NCK2: variants seen among roughly 807,000 people sequenced by gnomAD.
NCK2 encodes the protein NCK adaptor protein 2.
In NCK2, 16 loss-of-function variants were observed where a neutral mutation model predicts 33.9. The ratio of observed to expected loss-of-function variants is 0.47; its 90% CI spans 0.32 to 0.72. NCK2 has a LOEUF of 0.72. Among genes scored for constraint, NCK2 ranks in the 30% least tolerant of loss-of-function variants. The pLI is 0.03. For synonymous variants in NCK2, 273 were observed against 239.9 expected (o/e 1.14, Z -1.27); for missense variants, 418 against 537.3 (o/e 0.78, Z 2.19).
At chr2:105,760,407 A>G (rs1210572838) in intron 1 of NCK2, among the ~76,000 whole-genome samples, 1 of 152,118 alleles carries the variant, frequency 6.6e-6, no homozygotes, top group Non-Finnish European at 1.5e-5. Flanking sequence ...TCCCCAGGTG[A>G]TTCTGATGCA....
intron 1 of NCK2, among the ~76,000 whole-genome samples, chr2:105,787,989 A>G (rs1393609966): frequency 1.4e-5 from 2 of 145,082 alleles, no homozygotes; most frequent in Non-Finnish European, 3.0e-5. Context: ...TCCACGTGCC[A>G]CCAGCCAAGG....
At chr2:105,861,552 TCACC>T in intron 3 of NCK2, among the ~76,000 whole-genome samples, 1 of 148,326 alleles carries the variant, frequency 6.7e-6, no homozygotes, top group Non-Finnish European at 1.5e-5. Context: ...TCTTGCTCTG[TCACC>T]TAGGCTGGAG....
At chr2:105,780,320 A>ATG (rs1491123438) in intron 1 of NCK2, among the ~76,000 whole-genome samples, 13 of 67,644 alleles carry the variant, frequency 1.9e-4, no homozygotes, top group African/African-American at 1.2e-3. Flanking sequence ...TGGGAGAGAG[A>ATG]TATATACACA....
chr2:105,811,388 T>C (rs1341059052), intron 1 of NCK2, among the ~76,000 whole-genome samples: 1 of 152,164 alleles, frequency 6.6e-6, no homozygotes, highest in Non-Finnish European at 1.5e-5. Flanking sequence ...TGCTTCCTTT[T>C]CTGGCTGTAA....
intron 2 of NCK2, among the ~76,000 whole-genome samples, chr2:105,841,970 G>A (rs1316802579): frequency 1.3e-5 from 2 of 152,204 alleles, no homozygotes; most frequent in Non-Finnish European, 2.9e-5. Flanking sequence ...TGAGGCCAGA[G>A]ATCAGAAATG....
intron 1 of NCK2, among the ~76,000 whole-genome samples, chr2:105,764,968 A>G (rs1689892410): frequency 6.6e-6 from 1 of 152,022 alleles, no homozygotes; most frequent in Admixed American, 6.5e-5. Flanking sequence ...TTGCTCCTGT[A>G]GACAAGGTGC....
intron 3 of NCK2, among the ~76,000 whole-genome samples, chr2:105,862,168 T>C (rs1447396340): frequency 1.3e-5 from 2 of 152,236 alleles, no homozygotes; most frequent in South Asian, 2.1e-4. Flanking sequence ...CTTACAGGCA[T>C]TTTTTTATAT....
intron 3 of NCK2, among the ~76,000 whole-genome samples, chr2:105,865,564 G>A (rs529474712): frequency 1.3e-5 from 2 of 152,166 alleles, no homozygotes; most frequent in African/African-American, 4.8e-5. Flanking sequence ...AAAATGCTAA[G>A]GGAACAGTTC....
rs536618611 is a variant in NCK2 at position 105,874,667 on chromosome 2, C to G, written c.227-6661C>G. Among the ~76,000 whole-genome samples the G allele has an allele frequency of 8.5e-5, 13 of 152,312 alleles. No homozygotes were observed. In the East Asian group the frequency reaches 2.5e-3, roughly 29 times the overall value. On this transcript the variant is annotated intron_variant, in intron 3 of 4. Transcript: ENST00000233154. Reference sequence around the variant, plus strand: ...GTTTGTTTGACGCTTCAGCTTAAATCTCCCGAACTCCAGCTGGAAGATGAC... The same window carrying G: ...GTTTGTTTGACGCTTCAGCTTAAATGTCCCGAACTCCAGCTGGAAGATGAC...
intron 1 of NCK2, among the ~76,000 whole-genome samples, chr2:105,803,447 T>C (rs1475947127): frequency 6.6e-6 from 1 of 152,220 alleles, no homozygotes; most frequent in Non-Finnish European, 1.5e-5. Flanking sequence ...CACACAGCAG[T>C]TGTGCAATAC....
chr2:105,885,257 T>C (rs756244834), intron 4 of NCK2, among the ~76,000 whole-genome samples: 5 of 152,256 alleles, frequency 3.3e-5, no homozygotes, highest in Non-Finnish European at 7.3e-5. Flanking sequence ...ATGTATTTAT[T>C]ATGTCCTGCA....
intron 3 of NCK2, among the ~76,000 whole-genome samples, chr2:105,877,944 T>G (rs986661719): frequency 2.6e-5 from 4 of 152,190 alleles, no homozygotes; most frequent in Non-Finnish European, 4.4e-5. Context: ...TTAGATAACA[T>G]AGTAAAGTCA....
At chr2:105,883,523 G>A (rs898704868) in intron 4 of NCK2, among the ~76,000 whole-genome samples, 2 of 152,146 alleles carry the variant, frequency 1.3e-5, no homozygotes, top group Non-Finnish European at 2.9e-5. Context: ...TATTCTTTCT[G>A]CCTAAGATTT....
chr2:105,818,434 TATA>T (rs970872819), intron 2 of NCK2, among the ~76,000 whole-genome samples: 1 of 151,640 alleles, frequency 6.6e-6, no homozygotes, highest in African/African-American at 2.4e-5. Context: ...GTAATAAAAA[TATA>T]TATATATAAA....
rs751441679 is a variant in NCK2 at position 105,893,052 on chromosome 2, A to G, written c.1019A>G (p.Asn340Ser). 1.9e-5 allele frequency: 31 copies of G among 1,614,026 alleles called. No individual in the cohort carries two copies. The highest frequency in any genetic ancestry group is 2.5e-5 in the Non-Finnish European group (30 of 1,180,022). ...CACTTCAAGGTGCAGCTCGTGGACA[A>G]TGTCTACTGCATTGGGCAGCGGCGC... ...NKHFKVQLVDNVYCIGQRRFH... is the reference protein window; with the variant it reads ...NKHFKVQLVDSVYCIGQRRFH... Residue 340 changes from asparagine (N) to serine (S), a missense_variant, in exon 5 of 5, where the codon AAT becomes AGT. Asn to Ser is a conservative substitution (Grantham distance 46). Transcript: ENST00000233154.
intron 1 of NCK2, among the ~76,000 whole-genome samples, chr2:105,807,813 TCTCCCTCCCTCCCTCCCTTCTATCTCTCC>T (rs769712082): frequency 0.015 from 112 of 7,458 alleles, 5 homozygotes; most frequent in South Asian, 0.025. Context: ...CCCTTCTATC[TCTCCCTCCCTCCCTCCCTTCTATCTCTCC>T]CTCCCTCCCT....
chr2:105,824,857 G>C (rs1298230116), intron 2 of NCK2, among the ~76,000 whole-genome samples: 1 of 152,142 alleles, frequency 6.6e-6, no homozygotes, highest in Non-Finnish European at 1.5e-5. Context: ...GAATTCAGTG[G>C]GAAAACATGC....
chr2:105,835,544 C>G (rs1006504229), intron 2 of NCK2, among the ~76,000 whole-genome samples: 2 of 149,086 alleles, frequency 1.3e-5, no homozygotes, highest in African/African-American at 4.9e-5. Context: ...TGATGTTTTT[C>G]TCCTGCTGTT....
rs796873677 is a variant in NCK2 at position 105,818,376 on chromosome 2, A to G, written c.-17+1763A>G. On this transcript the variant is annotated intron_variant, in intron 2 of 4. Coordinates refer to ENST00000233154, the MANE Select transcript of NCK2 (RefSeq NM_003581.5). ...ACACCAACATGGCACATGTATACAT[A>G]TATAACAAACCTGCACGTTTTGCAC... is the stretch of plus-strand genomic sequence containing the variant. Among the ~76,000 whole-genome samples the G allele has an allele frequency of 3.0e-4, 45 of 151,904 alleles. No individual in the cohort carries two copies. The South Asian group carries it at 8.5e-3, about 29-fold the overall frequency.
Sources: gnomAD v4.1 joint callset for allele counts (sites outside exome capture counted in the v4.1 genomes callset) on GRCh38, gnomAD v4.1.1 for gene constraint, MANE v1.5 for transcripts, NCBI Gene and HGNC (gene_info 2026-07-23, HGNC 2026-07-21) for gene names.